PLCB1: variants seen among roughly 807,000 people sequenced by gnomAD.
PLCB1 encodes the protein phospholipase C beta 1.
PLCB1 carries 46 observed loss-of-function variants against 161.8 expected under a neutral mutation model. That is an observed-to-expected ratio of 0.28 (90% confidence interval 0.22 to 0.36). The LOEUF is 0.36. Among genes scored for constraint, PLCB1 ranks in the 10% least tolerant of loss-of-function variants. The probability of loss-of-function intolerance (pLI) is 1.00; values close to 1 mark genes in which losing one functional copy is unlikely to be tolerated. For missense variants in PLCB1, 1,016 were observed against 1,472.5 expected (o/e 0.69, Z 5.07); for synonymous variants, 517 against 503.7 (o/e 1.03, Z -0.35).
chr20:8,645,310 A>AT (rs201196658), intron 4 of PLCB1, among the ~76,000 whole-genome samples: 2 of 114,748 alleles, frequency 1.7e-5, no homozygotes, highest in East Asian at 5.6e-4. Context: ...TCAATAAAAA[A>AT]AAATAAAAAA....
intron 2 of PLCB1, among the ~76,000 whole-genome samples, chr20:8,272,172 A>T (rs1982318522): frequency 1.3e-5 from 2 of 151,972 alleles, no homozygotes; most frequent in African/African-American, 4.8e-5. Context: ...AATTGTGTCT[A>T]AGGAAAACGG....
At chr20:8,298,464 T>G (rs895473522) in intron 2 of PLCB1, among the ~76,000 whole-genome samples, 4 of 152,136 alleles carry the variant, frequency 2.6e-5, no homozygotes, top group Admixed American at 2.6e-4. Context: ...CTCAAGCTAC[T>G]CATTATTATC....
chr20:8,671,661 C>A (rs2123362862), intron 9 of PLCB1, among the ~76,000 whole-genome samples: 1 of 152,296 alleles, frequency 6.6e-6, no homozygotes, highest in South Asian at 2.1e-4. Flanking sequence ...GCCTTGGTCA[C>A]ATTTAGGATT....
In PLCB1 at chr20:8,790,025, A is replaced by G. The variant is rs1333012994; in HGVS notation, c.3337-150A>G. 6.9e-5 allele frequency: 42 copies of G among 606,866 alleles called. No individual in the cohort carries two copies. The South Asian group carries it at 7.0e-4, about 10-fold the overall frequency. The allele number at this position is 606,866 out of a possible 1,614,324, so 37.6% of individuals were successfully genotyped here. On this transcript the variant is annotated intron_variant, in intron 30 of 31. Transcript: ENST00000338037. ...CTGTCACCTAGCTTCAACACTTACT[A>G]CAGTTTCCTATACTTGTAAGTGTAG...
At chr20:8,400,030 C>T (rs1250990473) in intron 3 of PLCB1, among the ~76,000 whole-genome samples, 1 of 152,096 alleles carries the variant, frequency 6.6e-6, no homozygotes, top group Non-Finnish European at 1.5e-5. Flanking sequence ...CAGATTAATG[C>T]TGCATCTGCC....
rs2327090 is a variant in PLCB1, at chr20:8,789,483, A to G, written c.3279-35A>G. 0.97 allele frequency: 1,352,992 copies of G among 1,388,316 alleles called. 659,494 individuals carry two copies. Among genetic ancestry groups the G allele is most frequent in the East Asian group, 1 (43,865 of 43,892 alleles). The allele number at this position is 1,388,316 out of a possible 1,614,324, so 86.0% of individuals were successfully genotyped here. A position where few individuals can be genotyped will look rare whatever the true frequency, so the allele number is the denominator to read the frequency against. On this transcript the variant is annotated intron_variant, in intron 29 of 31. Coordinates refer to ENST00000338037, the MANE Select transcript of PLCB1 (RefSeq NM_015192.4). ...ATTACCATTTGTCAATTCTGGATGA[A>G]TTGGTATAATGATGTATTCATCATT...
intron 31 of PLCB1, 53 bp from the exon 32 acceptor site, chr20:8,881,568 TG>T: frequency 7.9e-7 from 1 of 1,258,686 alleles, no homozygotes; most frequent in Non-Finnish European, 1.2e-6. Flanking sequence ...TCTATGGGAG[TG>T]GGTATAGAAA....
At chr20:8,601,654 G>T (rs997335395) in intron 3 of PLCB1, among the ~76,000 whole-genome samples, 1 of 146,844 alleles carries the variant, frequency 6.8e-6, no homozygotes, top group African/African-American at 2.5e-5. Flanking sequence ...TGGAAGAGTT[G>T]AGTGACTGCC....
chr20:8,379,500 G>A (rs971298614), intron 3 of PLCB1, among the ~76,000 whole-genome samples: 6 of 152,070 alleles, frequency 3.9e-5, no homozygotes, highest in Non-Finnish European at 8.8e-5. Context: ...TGGTGTTTCT[G>A]GTTCTAGATC....
chr20:8,644,692 CGGGA>C (rs1371119087), intron 4 of PLCB1, among the ~76,000 whole-genome samples: 1 of 151,550 alleles, frequency 6.6e-6, no homozygotes, highest in African/African-American at 2.4e-5. Flanking sequence ...CCGCCCCGTC[CGGGA>C]GGGAGGTGGG....
At chr20:8,729,435 G>T in intron 18 of PLCB1, 1 of 250,642 alleles carries the variant, frequency 4.0e-6, no homozygotes, top group East Asian at 7.6e-5. Context: ...TGCTTTTTAA[G>T]ATAATACATA....
intron 3 of PLCB1, among the ~76,000 whole-genome samples, chr20:8,373,250 T>C (rs1986961171): frequency 6.6e-6 from 1 of 152,160 alleles, no homozygotes; most frequent in African/African-American, 2.4e-5. Flanking sequence ...GCTTCCTTTT[T>C]TTCCCTCCTA....
intron 2 of PLCB1, among the ~76,000 whole-genome samples, chr20:8,239,428 C>G (rs1266149949): frequency 6.6e-6 from 1 of 151,924 alleles, no homozygotes; most frequent in African/African-American, 2.4e-5. Flanking sequence ...AAGGAATAGG[C>G]ACCAGCTTAG....
At chr20:8,200,098 A>G (rs1253017425) in intron 2 of PLCB1, among the ~76,000 whole-genome samples, 1 of 152,082 alleles carries the variant, frequency 6.6e-6, no homozygotes, top group African/African-American at 2.4e-5. Context: ...ACTCATTTGC[A>G]TTACTAATAT....
intron 3 of PLCB1, among the ~76,000 whole-genome samples, chr20:8,620,747 C>CAAAAAAAAAAAAAAA (rs779029928): frequency 1.5e-4 from 11 of 75,232 alleles, no homozygotes; most frequent in African/African-American, 2.2e-4. Flanking sequence ...CTGCCCCCAC[C>CAAAAAAAAAAAAAAA]AAAAAAAAAA....
chr20:8,498,493 C>T (rs1270614305), intron 3 of PLCB1, among the ~76,000 whole-genome samples: 2 of 152,234 alleles, frequency 1.3e-5, no homozygotes, highest in East Asian at 1.9e-4. Context: ...AACTATGAAC[C>T]CTTCTGAGAA....
At chr20:8,216,215 C>T (rs532265113) in intron 2 of PLCB1, among the ~76,000 whole-genome samples, 5 of 152,142 alleles carry the variant, frequency 3.3e-5, no homozygotes, top group African/African-American at 1.2e-4. Context: ...CTTAGGGAGT[C>T]TTTATAATTG....
intron 2 of PLCB1, among the ~76,000 whole-genome samples, chr20:8,368,835 G>C (rs532520860): frequency 6.6e-6 from 1 of 152,110 alleles, no homozygotes; most frequent in South Asian, 2.1e-4. Context: ...GTTTCTACCC[G>C]CAATTTCCTC....
intron 2 of PLCB1, among the ~76,000 whole-genome samples, chr20:8,314,667 G>C (rs528305383): frequency 6.6e-6 from 1 of 152,178 alleles, no homozygotes; most frequent in Admixed American, 6.5e-5. Flanking sequence ...AGTAAGCACT[G>C]AATAAAATAC....
Sources: allele counts gnomAD v4.1 joint callset (sites outside exome capture counted in the v4.1 genomes callset), GRCh38; gene constraint gnomAD v4.1.1; transcripts MANE v1.5; gene names NCBI Gene and HGNC (gene_info 2026-07-23, HGNC 2026-07-21).